CACNB2: variants seen among roughly 807,000 people sequenced by gnomAD.
CACNB2 encodes calcium voltage-gated channel auxiliary subunit beta 2.
A neutral mutation model predicts 73.3 loss-of-function variants in CACNB2; 42 were observed. That is an observed-to-expected ratio of 0.57 (90% CI 0.45 to 0.74). The LOEUF (loss-of-function observed/expected upper bound fraction) is 0.74. CACNB2 is among the 30% of genes least tolerant of loss of function. The pLI, the probability that CACNB2 is intolerant of heterozygous loss-of-function variation, is 0.00. For missense variants in CACNB2, 940 were observed against 853.0 expected (o/e 1.10, Z -1.27); for synonymous variants, 348 against 310.3 (o/e 1.12, Z -1.28).
chr10:18,364,575 C>T (rs1473063277), intron 2 of CACNB2, among the ~76,000 whole-genome samples: 1 of 152,178 alleles, frequency 6.6e-6, no homozygotes, highest in African/African-American at 2.4e-5. Context: ...GCTGAGATTA[C>T]AGGCATGAGC....
At chr10:18,289,252 A>G (rs374137169) in intron 2 of CACNB2, among the ~76,000 whole-genome samples, 1 of 150,624 alleles carries the variant, frequency 6.6e-6, no homozygotes, top group African/African-American at 2.5e-5. Context: ...TTCAAAATCA[A>G]TCTTACGAAG....
chr10:18,286,341 C>G (rs961987818), intron 2 of CACNB2, among the ~76,000 whole-genome samples: 3 of 151,604 alleles, frequency 2.0e-5, no homozygotes, highest in Non-Finnish European at 4.4e-5. Context: ...ACGGTGAAAC[C>G]CCGTCTCTAC....
chr10:18,484,798 C>T (rs1457488315), intron 3 of CACNB2, among the ~76,000 whole-genome samples: 3 of 152,146 alleles, frequency 2.0e-5, no homozygotes, highest in African/African-American at 4.8e-5. Flanking sequence ...AATTCTTAAT[C>T]ATTTTAAATT....
At chr10:18,259,381 C>T (rs1006039433) in intron 2 of CACNB2, among the ~76,000 whole-genome samples, 2 of 151,396 alleles carry the variant, frequency 1.3e-5, no homozygotes, top group Non-Finnish European at 2.9e-5. Context: ...GCCTGGGCAA[C>T]AAAGTGAGAC....
intron 2 of CACNB2, among the ~76,000 whole-genome samples, chr10:18,282,888 C>T (rs1221542530): frequency 6.6e-6 from 1 of 152,142 alleles, no homozygotes; most frequent in East Asian, 1.9e-4. Context: ...AGGCAACCTA[C>T]AGAATGGGAG....
chr10:18,347,833 G>C (rs75152088), intron 2 of CACNB2, among the ~76,000 whole-genome samples: 1 of 152,110 alleles, frequency 6.6e-6, no homozygotes, highest in African/African-American at 2.4e-5. Flanking sequence ...GACTATTTTC[G>C]TGACTTCGCT....
At chr10:18,531,792 G>A (rs1285120791) in intron 10 of CACNB2, 1 of 152,112 alleles carries the variant, frequency 6.6e-6, no homozygotes, top group African/African-American at 2.4e-5. Context: ...TATCTAAGAG[G>A]AAACATTGTT....
intron 4 of CACNB2, 58 bp downstream of exon 4, chr10:18,498,535 C>A (rs2049979647): frequency 3.2e-6 from 5 of 1,572,978 alleles, no homozygotes; most frequent in Middle Eastern, 1.7e-4. Flanking sequence ...CATACCATTT[C>A]TTATTTCCTA....
At chr10:18,536,054 A>T in intron 11 of CACNB2, 47 bp from the exon 12 acceptor site, 1 of 1,132,248 alleles carries the variant, frequency 8.8e-7, no homozygotes, top group Non-Finnish European at 1.3e-6. Flanking sequence ...CTTGTACTTT[A>T]CCTGGATGTA....
chr10:18,144,872 T>C (rs558744278), intron 1 of CACNB2, among the ~76,000 whole-genome samples: 10 of 152,316 alleles, frequency 6.6e-5, no homozygotes, highest in Admixed American at 1.3e-4. Context: ...GACATTTCTA[T>C]TGGGCAACAT....
rs1403020883 is a variant in CACNB2 at position 18,265,880 on chromosome 10, TGTTA to T, written c.213+114909_213+114912del. ...TTGCTGTCTACTTGGTTGCTGCCTGTGTTAGTTGCTAACTACTAATAGTCTTGAA... is the reference window on the plus strand; with the variant it reads ...TTGCTGTCTACTTGGTTGCTGCCTGTGTTGCTAACTACTAATAGTCTTGAA... On this transcript the variant is annotated intron_variant, in intron 2 of 13. Transcript: ENST00000324631. Among the ~76,000 whole-genome samples the T allele has an allele frequency of 3.3e-5, 5 of 152,308 alleles. No individual in the cohort carries two copies. The East Asian group carries it at 7.7e-4, about 23-fold the overall frequency.
intron 3 of CACNB2, among the ~76,000 whole-genome samples, chr10:18,421,228 A>ATT (rs11333043): frequency 5.9e-4 from 88 of 150,408 alleles, no homozygotes; most frequent in African/African-American, 1.9e-3. Context: ...TGAAATACAT[A>ATT]TTTTTTTTTT....
chr10:18,496,658 C>CA (rs1157805058), intron 3 of CACNB2, among the ~76,000 whole-genome samples: 2 of 150,836 alleles, frequency 1.3e-5, no homozygotes, highest in African/African-American at 2.4e-5. Flanking sequence ...ACTAAAAATA[C>CA]AAAAAATTAG....
intron 2 of CACNB2, among the ~76,000 whole-genome samples, chr10:18,152,375 G>T (rs1415813377): frequency 6.6e-6 from 1 of 152,068 alleles, no homozygotes; most frequent in Non-Finnish European, 1.5e-5. Context: ...TTTTTGGTTA[G>T]AAACATTTAG....
intron 2 of CACNB2, among the ~76,000 whole-genome samples, chr10:18,176,549 GAA>G (rs2033601329): frequency 1.3e-5 from 2 of 151,882 alleles, no homozygotes; most frequent in African/African-American, 2.4e-5. Context: ...TGAAGCTACA[GAA>G]GAGGGAAAGT....
At chr10:18,320,609 G>C (rs1217912522) in intron 2 of CACNB2, among the ~76,000 whole-genome samples, 1 of 152,162 alleles carries the variant, frequency 6.6e-6, no homozygotes. Context: ...CTGTGATCTT[G>C]GGCCAGTTAC....
At chr10:18,414,357 C>G (rs2044813766) in intron 3 of CACNB2, among the ~76,000 whole-genome samples, 1 of 152,088 alleles carries the variant, frequency 6.6e-6, no homozygotes, top group Non-Finnish European at 1.5e-5. Flanking sequence ...ACACATTGCT[C>G]TCTGTTTATT....
At chr10:18,363,870 T>A (rs2042239345) in intron 2 of CACNB2, among the ~76,000 whole-genome samples, 1 of 152,032 alleles carries the variant, frequency 6.6e-6, no homozygotes, top group South Asian at 2.1e-4. Context: ...TTCTATATCA[T>A]AAACTGCTTT....
At chr10:18,510,717 T>A (rs754536883) in intron 6 of CACNB2, among the ~76,000 whole-genome samples, 1 of 152,220 alleles carries the variant, frequency 6.6e-6, no homozygotes, top group Non-Finnish European at 1.5e-5. Context: ...CTGTAAATTC[T>A]GACATCCAAC....
Sources: gnomAD v4.1 joint callset for allele counts (sites outside exome capture counted in the v4.1 genomes callset) on GRCh38, gnomAD v4.1.1 for gene constraint, MANE v1.5 for transcripts, NCBI Gene and HGNC (gene_info 2026-07-23, HGNC 2026-07-21) for gene names.